Variants in EEF1D observed in about 807,000 individuals in gnomAD.
EEF1D encodes the protein eukaryotic translation elongation factor 1 delta.
A neutral mutation model predicts 63.9 loss-of-function variants in EEF1D; 47 were observed. That is an observed-to-expected ratio of 0.74 (90% confidence interval 0.58 to 0.94). The LOEUF is 0.94. EEF1D is among the 40% of genes least tolerant of loss of function. The pLI is 0.00. For synonymous variants in EEF1D, 412 were observed against 386.1 expected (o/e 1.07, Z -0.79); for missense variants, 907 against 899.0 (o/e 1.01, Z -0.11).
At chr8:143,586,047 C>G in intron 5 of EEF1D, 172 bp downstream of exon 5, 1 of 571,632 alleles carries the variant, frequency 1.7e-6, no homozygotes, top group Non-Finnish European at 3.2e-6. Flanking sequence ...AGAACACTGT[C>G]CGTGGCAGTC....
chr8:143,595,053 G>A (rs984197866), intron 1 of EEF1D, among the ~76,000 whole-genome samples: 3 of 151,950 alleles, frequency 2.0e-5, no homozygotes, highest in Admixed American at 6.6e-5. Context: ...CTACAGGCAT[G>A]CGCAACCACG....
In EEF1D at chr8:143,593,889, G is replaced by A. The variant is rs143093965; in HGVS notation, c.-14-1229C>T. On this transcript the variant is annotated intron_variant, in intron 1 of 9. Transcript: ENST00000618139. ...CATGGGAGGACCTGCCGGACGCAGC[G>A]CACCATCTCTCCTAACAGAGACCAA... 3.6e-4 allele frequency: 358 copies of A among 985,430 alleles called. 2 individuals are homozygous for A. In the East Asian group the frequency reaches 0.014, roughly 39 times the overall value. 61.0% of individuals were successfully genotyped at this position (985,430 alleles called of 1,614,324 possible). A position where few individuals can be genotyped will look rare whatever the true frequency, so the allele number is the denominator to read the frequency against.
chr8:143,594,835 G>A lies in EEF1D; in HGVS notation c.-14-2175C>T, dbSNP rs1048386079. On this transcript the variant is annotated intron_variant, in intron 1 of 9. Coordinates refer to ENST00000618139, the MANE Select transcript of EEF1D (RefSeq NM_001130053.5). ...AAGAGGCTGGAGCCCCTGAGGAAGC[G>A]GGTCTTTAGGCAAAACCACCGCACG... Among the ~76,000 whole-genome samples, 3 of 152,346 alleles carry A rather than the reference G, an allele frequency of 2.0e-5. No individual in the cohort carries two copies. In the South Asian group the frequency reaches 6.2e-4, roughly 32 times the overall value.
Position 143,581,079 on chromosome 8 carries a change from T to C in EEF1D, c.1463A>G (p.His488Arg). ...LNVLEKSSPG[H>R]RATAPQTQHV... is the part of the protein sequence containing the mutation. ...CTGGGTCTGTGGGGCCGTGGCCCGG[T>C]GGCCAGGCGAGCTCTTCTCCAGCAC... Residue 488 changes from histidine (H) to arginine (R), a missense_variant, in exon 7 of 10, where the codon CAC becomes CGC. Transcript: ENST00000618139. 6.2e-7 allele frequency: 1 copy of C among 1,612,166 alleles called. No homozygotes were observed. Among genetic ancestry groups the C allele is most frequent in the Non-Finnish European group, 8.5e-7 (1 of 1,179,936 alleles).
Position 143,584,763 on chromosome 8 carries a change from C to T in EEF1D, c.1287+1456G>A, listed in dbSNP as rs960471235. Among the ~76,000 whole-genome samples, 32 of 151,956 alleles carry T rather than the reference C, an allele frequency of 2.1e-4. 1 individual carries two copies. Among genetic ancestry groups the T allele is most frequent in the Admixed American group, 8.5e-4 (13 of 15,236 alleles). ...GAATAGGGATGTTAAAAAATGACAG[C>T]GGGGGGGACCATGGGCCACACAGGA... On this transcript the variant is annotated intron_variant, in intron 5 of 9. Transcript: ENST00000618139.
chr8:143,591,203 A>G (rs1563988768), intron 2 of EEF1D, among the ~76,000 whole-genome samples: 2 of 152,162 alleles, frequency 1.3e-5, no homozygotes, highest in African/African-American at 4.8e-5. Flanking sequence ...GCTTCTGTGT[A>G]ATGTTAAGAG....
At chr8:143,590,241 T>A in intron 2 of EEF1D, 160 bp from the exon 3 acceptor site, 1 of 962,776 alleles carries the variant, frequency 1.0e-6, no homozygotes, top group Non-Finnish European at 1.5e-6. Flanking sequence ...TGAGATGACA[T>A]TCGAGGACTT....
In EEF1D at chr8:143,591,761, C is replaced by G. The variant is rs1317741112; in HGVS notation, c.-1+886G>C. Among the ~76,000 whole-genome samples the G allele has an allele frequency of 3.9e-5, 6 of 152,268 alleles. No individual in the cohort carries two copies. The East Asian group carries it at 1.2e-3, about 29-fold the overall frequency. On this transcript the variant is annotated intron_variant, in intron 2 of 9. Coordinates refer to ENST00000618139, the MANE Select transcript of EEF1D (RefSeq NM_001130053.5). ...CCTTCGGTCAAGAGCAGACCCTTCA[C>G]ACCAGTGGCTATGGGTCTTCGCCCC...
At chr8:143,584,777 G>A (rs1023275438) in intron 5 of EEF1D, among the ~76,000 whole-genome samples, 8 of 152,130 alleles carry the variant, frequency 5.3e-5, no homozygotes, top group East Asian at 1.9e-4. Flanking sequence ...GGGGACCATG[G>A]GCCACACAGG....
chr8:143,582,685 G>A (rs1825786156), intron 5 of EEF1D: 1 of 152,258 alleles, frequency 6.6e-6, no homozygotes, highest in South Asian at 2.1e-4. Flanking sequence ...CTAGGCCAGA[G>A]CCCACAGCAC....
rs568576129 is a variant in EEF1D, at chr8:143,581,317, G to A, written c.1299C>T (p.Pro433=). Residue 433 remains proline, a synonymous_variant, in exon 6 of 10, where the codon CCC becomes CCT. Coordinates refer to ENST00000618139, the MANE Select transcript of EEF1D (RefSeq NM_001130053.5). ...CTCCGCTGGTGCCGCTGGAGGCCCC[G>A]GGGCCTGAGCTCTGCAAGGCAGGAG... The part of the protein sequence containing the change: ...IQKSLAGSSG[P]GASSGTSGDH... The A allele has an allele frequency of 4.4e-5, 71 of 1,611,062 alleles. No homozygotes were observed. In the South Asian group the frequency reaches 5.3e-4, roughly 12 times the overall value.
At chr8:143,588,704 A>G in intron 3 of EEF1D, 1 of 463,700 alleles carries the variant, frequency 2.2e-6, no homozygotes, top group East Asian at 3.9e-5. Flanking sequence ...CTTCCCAGCC[A>G]AAGAGGGACC....
At position 143,590,205 on chromosome 8, in the gene EEF1D, G is replaced by A. The variant is rs551553879; in HGVS notation, c.1-124C>T. On this transcript the variant is annotated intron_variant, in intron 2 of 9. Coordinates refer to ENST00000618139, the MANE Select transcript of EEF1D (RefSeq NM_001130053.5). ...TGGCTGCCCTCCCTGGGCAGGGGCT[G>A]AGGATGCTCCCCAGTGGGGCTTCCA... The A allele has an allele frequency of 5.7e-5, 79 of 1,394,688 alleles. No individual in the cohort carries two copies. In the African/African-American group the frequency reaches 9.4e-4, roughly 17 times the overall value. 86.4% of individuals were successfully genotyped at this position (1,394,688 alleles called of 1,614,324 possible).
chr8:143,579,979 C>A, intron 9 of EEF1D, 33 bp downstream of exon 9: 1 of 1,598,222 alleles, frequency 6.3e-7, no homozygotes, highest in Non-Finnish European at 8.5e-7. Context: ...CCCCAGTCTC[C>A]TCTCCCCTCC....
intron 3 of EEF1D, 162 bp from the exon 4 acceptor site, chr8:143,587,014 C>A: frequency 1.1e-6 from 1 of 909,588 alleles, no homozygotes; most frequent in Non-Finnish European, 1.6e-6. Context: ...CACATGGCAT[C>A]CCCAGGCCTG....
At chr8:143,585,440 T>C (rs1488052017) in intron 5 of EEF1D, among the ~76,000 whole-genome samples, 1 of 152,146 alleles carries the variant, frequency 6.6e-6, no homozygotes, top group Non-Finnish European at 1.5e-5. Context: ...TTGCTGACAC[T>C]GGGGACAGCC....
In EEF1D at chr8:143,581,105, G is replaced by A. The variant is rs773861464; in HGVS notation, c.1437C>T (p.Asn479=). 21 of 1,612,750 alleles carry A rather than the reference G, an allele frequency of 1.3e-5. No homozygotes were observed. In the South Asian group the frequency reaches 1.9e-4, roughly 14 times the overall value. Residue 479 remains asparagine (N), a synonymous_variant, in exon 7 of 10, where the codon AAC becomes AAT. Transcript: ENST00000618139. Reference sequence around the variant, plus strand: ...GGCCAGGCGAGCTCTTCTCCAGCACGTTCAGCCGGGCCTCCAGCTTGGAGA... The same window carrying A: ...GGCCAGGCGAGCTCTTCTCCAGCACATTCAGCCGGGCCTCCAGCTTGGAGA... ...QAISKLEARL[N]VLEKSSPGHR...
At chr8:143,586,906 A>G in intron 3 of EEF1D, 54 bp from the exon 4 acceptor site, 1 of 1,603,644 alleles carries the variant, frequency 6.2e-7, no homozygotes, top group Non-Finnish European at 8.5e-7. Context: ...CCTCGGCATC[A>G]GGACAGCCCA....
At chr8:143,580,771 A>T (rs1232438694) in intron 7 of EEF1D, 44 bp from the exon 8 acceptor site, 2 of 1,602,274 alleles carry the variant, frequency 1.2e-6, no homozygotes, top group Admixed American at 3.3e-5. Context: ...AGACGCCCCA[A>T]CCAGGGCCCA....
Sources: gnomAD v4.1 joint callset for allele counts (sites outside exome capture counted in the v4.1 genomes callset) on GRCh38, gnomAD v4.1.1 for gene constraint, MANE v1.5 for transcripts, NCBI Gene and HGNC (gene_info 2026-07-23, HGNC 2026-07-21) for gene names.